CPQ: variants seen among roughly 807,000 people sequenced by gnomAD.
The protein encoded by CPQ is carboxypeptidase Q.
CPQ carries 37 observed loss-of-function variants against 45.7 expected under a neutral mutation model. That is an observed-to-expected ratio of 0.81 (90% CI 0.62 to 1.07). The LOEUF (loss-of-function observed/expected upper bound fraction) is 1.07, where lower values mean the gene tolerates loss of function less well. CPQ is among the 50% of genes least tolerant of loss of function. The pLI, the probability that CPQ is intolerant of heterozygous loss-of-function variation, is 0.00. For synonymous variants in CPQ, 186 were observed against 205.8 expected, an observed-to-expected ratio of 0.90 and a Z score of 0.82; for missense variants, 537 against 572.9, an observed-to-expected ratio of 0.94 and a Z score of 0.64.
At position 97,066,114 on chromosome 8, in the gene CPQ, G is replaced by A. The variant is rs921379492; in HGVS notation, c.1159G>A (p.Glu387Lys). 6.2e-7 allele frequency: 1 copy of A among 1,612,464 alleles called. No individual in the cohort carries two copies. Among genetic ancestry groups the A allele is most frequent in the Non-Finnish European group, 8.5e-7 (1 of 1,179,530 alleles). Residue 387 changes from glutamate (E) to lysine (K), a missense_variant, in exon 7 of 8, where the codon GAG becomes AAG. Glu to Lys is a moderately conservative substitution (Grantham distance 56). Coordinates refer to ENST00000220763, the MANE Select transcript of CPQ (RefSeq NM_016134.4). Reference sequence around the variant, plus strand: ...TGAAAAGGCCAGGGCCATCATGGAGGAGGTTATGAGCCTGCTGCAGCCCCT... The same window carrying A: ...TGAAAAGGCCAGGGCCATCATGGAGAAGGTTATGAGCCTGCTGCAGCCCCT... ...GSEKARAIME[E>K]VMSLLQPLNI...
intron 3 of CPQ, among the ~76,000 whole-genome samples, chr8:96,874,318 G>T (rs1812117856): frequency 6.6e-6 from 1 of 151,568 alleles, no homozygotes; most frequent in Non-Finnish European, 1.5e-5. Flanking sequence ...TTCTATTTGG[G>T]ATATAATTCA....
At chr8:96,679,455 T>A (rs1319621534) in intron 1 of CPQ, among the ~76,000 whole-genome samples, 1 of 152,152 alleles carries the variant, frequency 6.6e-6, no homozygotes, top group Non-Finnish European at 1.5e-5. Flanking sequence ...TTAGGAATAA[T>A]TCCCTCTTCT....
intron 7 of CPQ, among the ~76,000 whole-genome samples, chr8:97,109,471 C>A (rs897718148): frequency 2.0e-5 from 3 of 152,106 alleles, no homozygotes; most frequent in Non-Finnish European, 4.4e-5. Context: ...TTCCCCTCAC[C>A]CTTCACAGCT....
intron 4 of CPQ, among the ~76,000 whole-genome samples, chr8:96,908,295 C>T (rs1395323289): frequency 1.3e-5 from 2 of 152,120 alleles, no homozygotes; most frequent in Admixed American, 1.3e-4. Context: ...CTATTCATAA[C>T]AGAAAGGTCT....
chr8:96,971,830 A>G (rs1813684624), intron 5 of CPQ, among the ~76,000 whole-genome samples: 1 of 152,230 alleles, frequency 6.6e-6, no homozygotes, highest in Non-Finnish European at 1.5e-5. Flanking sequence ...CTAAACCAGT[A>G]GAAGAATTAG....
intron 7 of CPQ, among the ~76,000 whole-genome samples, chr8:97,070,834 C>CTGA (rs1334975195): frequency 6.6e-6 from 1 of 152,098 alleles, no homozygotes; most frequent in African/African-American, 2.4e-5. Flanking sequence ...AAGTTTTTGC[C>CTGA]TGATTCTCCT....
At chr8:96,791,039 T>C (rs989366732) in intron 2 of CPQ, among the ~76,000 whole-genome samples, 2 of 152,134 alleles carry the variant, frequency 1.3e-5, no homozygotes, top group African/African-American at 4.8e-5. Flanking sequence ...TAATCTATGT[T>C]AGACACCAAC....
intron 4 of CPQ, among the ~76,000 whole-genome samples, chr8:96,885,052 T>A (rs1812282411): frequency 6.6e-6 from 1 of 152,170 alleles, no homozygotes; most frequent in Admixed American, 6.5e-5. Flanking sequence ...ATGCTGCTAT[T>A]GAAGAATATC....
chr8:96,881,336 G>C (rs990716140), intron 4 of CPQ, among the ~76,000 whole-genome samples: 3 of 152,140 alleles, frequency 2.0e-5, no homozygotes, highest in African/African-American at 7.2e-5. Flanking sequence ...GGAGTGAGGT[G>C]TCTTAGATGG....
At chr8:97,016,551 G>A (rs1197792122) in intron 5 of CPQ, among the ~76,000 whole-genome samples, 3 of 152,196 alleles carry the variant, frequency 2.0e-5, no homozygotes, top group South Asian at 2.1e-4. Flanking sequence ...AGGGAAATGA[G>A]TATCAGAAAA....
At chr8:96,759,289 C>T (rs892434906) in intron 1 of CPQ, among the ~76,000 whole-genome samples, 6 of 152,078 alleles carry the variant, frequency 3.9e-5, no homozygotes, top group Non-Finnish European at 7.3e-5. Flanking sequence ...TCCCCCAAAC[C>T]TCCAGTAAAG....
intron 1 of CPQ, among the ~76,000 whole-genome samples, chr8:96,718,511 C>T (rs372714500): frequency 6.6e-6 from 1 of 152,092 alleles, no homozygotes. Flanking sequence ...AAGCTGCAGA[C>T]CTTCGTGGTG....
At chr8:97,111,077 T>C (rs1337308228) in intron 7 of CPQ, among the ~76,000 whole-genome samples, 2 of 152,224 alleles carry the variant, frequency 1.3e-5, no homozygotes, top group African/African-American at 2.4e-5. Context: ...TGATCTTACC[T>C]GTGGAACACC....
intron 4 of CPQ, among the ~76,000 whole-genome samples, chr8:96,927,758 A>T (rs929447535): frequency 2.0e-5 from 3 of 152,212 alleles, no homozygotes; most frequent in Non-Finnish European, 2.9e-5. Flanking sequence ...GAAACACATC[A>T]GAGAGGAATT....
chr8:96,873,143 G>A (rs1189958728), intron 3 of CPQ, among the ~76,000 whole-genome samples: 1 of 151,794 alleles, frequency 6.6e-6, no homozygotes, highest in African/African-American at 2.4e-5. Flanking sequence ...ATGAACATAA[G>A]ATATTAAACA....
intron 3 of CPQ, among the ~76,000 whole-genome samples, chr8:96,877,823 G>A (rs1812168378): frequency 3.9e-5 from 6 of 152,206 alleles, no homozygotes; most frequent in Admixed American, 3.9e-4. Flanking sequence ...AGTGACCCCA[G>A]AACCTGAACC....
chr8:96,846,675 C>T (rs1811695381), intron 3 of CPQ, among the ~76,000 whole-genome samples: 1 of 152,094 alleles, frequency 6.6e-6, no homozygotes, highest in African/African-American at 2.4e-5. Context: ...TTCATAAGAG[C>T]AAGGACCACC....
At chr8:96,892,168 C>T (rs1413331948) in intron 4 of CPQ, among the ~76,000 whole-genome samples, 1 of 152,110 alleles carries the variant, frequency 6.6e-6, no homozygotes, top group Non-Finnish European at 1.5e-5. Context: ...AGAAATAAAT[C>T]ATTGAAAAGC....
intron 4 of CPQ, among the ~76,000 whole-genome samples, chr8:96,924,741 G>C (rs1320459557): frequency 2.0e-5 from 3 of 152,168 alleles, no homozygotes; most frequent in Non-Finnish European, 2.9e-5. Context: ...ACTGATTATT[G>C]AGTATTTGGC....
Sources: allele counts gnomAD v4.1 joint callset (sites outside exome capture counted in the v4.1 genomes callset), GRCh38; gene constraint gnomAD v4.1.1; transcripts MANE v1.5; gene names NCBI Gene and HGNC (gene_info 2026-07-23, HGNC 2026-07-21).